CAMK2G: variants seen among roughly 807,000 people sequenced by gnomAD.
CAMK2G encodes calcium/calmodulin-dependent protein kinase type II subunit gamma.
A neutral mutation model predicts 88.7 loss-of-function variants in CAMK2G; 23 were observed. The observed-to-expected ratio is 0.26, with a 90% confidence interval of 0.19 to 0.37. CAMK2G has a LOEUF of 0.37. Ranked by LOEUF, CAMK2G falls within the 10% of genes least tolerant of loss-of-function variation. CAMK2G has a pLI of 1.00. For synonymous variants in CAMK2G, 263 were observed against 294.8 expected, an observed-to-expected ratio of 0.89 and a Z score of 1.11; for missense variants, 476 against 780.8, an observed-to-expected ratio of 0.61 and a Z score of 4.65.
chr10:73,816,996 G>A, intron 21 of CAMK2G, 27 bp downstream of exon 21: 9 of 1,614,046 alleles, frequency 5.6e-6, no homozygotes, highest in Non-Finnish European at 7.6e-6. Flanking sequence ...GCAGGCAGGA[G>A]TATATCAGCA....
rs1236056409 is a variant in CAMK2G at position 73,848,258 on chromosome 10, C to A, written c.602-176G>T. Among the ~76,000 whole-genome samples the A allele has an allele frequency of 1.3e-5, 2 of 152,206 alleles. No individual in the cohort carries two copies. The highest frequency in any genetic ancestry group is 4.8e-5 in the African/African-American group (2 of 41,450). ...CCCTCCTGCTATGCCTCACACTTCACGTCACCAAGTCACACCAGGGATTTC... is the reference window on the plus strand; with the variant it reads ...CCCTCCTGCTATGCCTCACACTTCAAGTCACCAAGTCACACCAGGGATTTC... On this transcript the variant is annotated intron_variant, in intron 8 of 22. Coordinates refer to ENST00000423381, the MANE Select transcript of CAMK2G (RefSeq NM_001367534.1). The surrounding 1 kb of genome is among the most constrained non-coding windows in gnomAD (Gnocchi z 4.5).
At position 73,848,388 on chromosome 10, in the gene CAMK2G, T is replaced by C; in HGVS notation, c.601+138A>G. On this transcript the variant is annotated intron_variant, in intron 8 of 22. Coordinates refer to ENST00000423381, the MANE Select transcript of CAMK2G (RefSeq NM_001367534.1). The surrounding 1 kb of genome is among the most constrained non-coding windows in gnomAD (Gnocchi z 4.5). ...GAGGAGGGTGTGATGGGAACAGCCA[T>C]CCCAGGGGCAAACACCATAATTTCA... 1.4e-6 allele frequency: 1 copy of C among 698,020 alleles called. No individual in the cohort carries two copies. Among genetic ancestry groups the C allele is most frequent in the South Asian group, 1.6e-5 (1 of 62,834 alleles). The allele number at this position is 698,020 out of a possible 1,614,324, so 43.2% of individuals were successfully genotyped here.
At chr10:73,819,736 C>T (rs2087141419) in intron 18 of CAMK2G, 91 bp from the exon 19 acceptor site, 5 of 785,394 alleles carry the variant, frequency 6.4e-6, no homozygotes, top group Admixed American at 2.7e-5. Context: ...AGACAGGCCC[C>T]GAGCCCATGG....
intron 18 of CAMK2G, 127 bp from the exon 19 acceptor site, chr10:73,819,772 G>A: frequency 4.9e-6 from 3 of 617,446 alleles, no homozygotes; most frequent in Non-Finnish European, 8.4e-6. Context: ...GCAAGGGGAC[G>A]CCTCGCCTCA....
chr10:73,874,035 G>A (rs1368781183), intron 1 of CAMK2G, among the ~76,000 whole-genome samples: 3 of 150,300 alleles, frequency 2.0e-5, no homozygotes, highest in South Asian at 2.1e-4. Context: ...AGTGCGAGGC[G>A]CGTGGGACCT....
chr10:73,868,042 C>T (rs1431737048), intron 2 of CAMK2G, among the ~76,000 whole-genome samples: 1 of 152,170 alleles, frequency 6.6e-6, no homozygotes, highest in African/African-American at 2.4e-5. Flanking sequence ...GTGCAAAGTG[C>T]CCATCTCCTC....
In CAMK2G at chr10:73,842,126, A is replaced by G; in HGVS notation, c.946+43T>C. ...GATGGCAACAGCCCATTCCTGATCC[A>G]CTCACCTCGGCATAATCAAAGTACA... On this transcript the variant is annotated intron_variant, in intron 12 of 22. Transcript: ENST00000423381. The surrounding 1 kb of genome is among the most constrained non-coding windows in gnomAD (Gnocchi z 4.6). The G allele has an allele frequency of 6.5e-7, 1 of 1,532,834 alleles. No individual in the cohort carries two copies. Among genetic ancestry groups the G allele is most frequent in the African/African-American group, 1.4e-5 (1 of 73,396 alleles). 95.0% of individuals were successfully genotyped at this position (1,532,834 alleles called of 1,614,324 possible).
intron 2 of CAMK2G, among the ~76,000 whole-genome samples, chr10:73,862,170 G>A (rs139329427): frequency 3.1e-4 from 47 of 152,106 alleles, no homozygotes; most frequent in Non-Finnish European, 4.7e-4. Context: ...CTCACAGCAC[G>A]GAGGCCTCAC....
At chr10:73,818,170 A>T (rs570383079) in intron 19 of CAMK2G, 4 of 165,852 alleles carry the variant, frequency 2.4e-5, no homozygotes, top group South Asian at 3.0e-4. Context: ...AACTGTAAAA[A>T]CTTGGGACAG....
chr10:73,858,349 A>C (rs1212987478), intron 3 of CAMK2G, among the ~76,000 whole-genome samples: 1 of 152,350 alleles, frequency 6.6e-6, no homozygotes, highest in East Asian at 1.9e-4. Context: ...ACAGTTCTGA[A>C]GGACAGCGCA....
At chr10:73,874,056 T>G (rs1222927341) in intron 1 of CAMK2G, among the ~76,000 whole-genome samples, 1 of 112,776 alleles carries the variant, frequency 8.9e-6, no homozygotes. Context: ...GGGTTCAGGG[T>G]GCGGAGTGAG....
rs559111806 is a variant in CAMK2G at position 73,870,088 on chromosome 10, G to A, written c.160+2901C>T. On this transcript the variant is annotated intron_variant, in intron 2 of 22. Coordinates refer to ENST00000423381, the MANE Select transcript of CAMK2G (RefSeq NM_001367534.1). Reference sequence around the variant, plus strand: ...GTATGCATATGAATAAAGATAAGAAGGGAATATGAAGATTTAAAAATAAAA... The same window carrying A: ...GTATGCATATGAATAAAGATAAGAAAGGAATATGAAGATTTAAAAATAAAA... Among the ~76,000 whole-genome samples, 3 of 152,282 alleles carry A rather than the reference G, an allele frequency of 2.0e-5. No homozygotes were observed. In the East Asian group the frequency reaches 5.8e-4, roughly 29 times the overall value.
intron 1 of CAMK2G, chr10:73,873,449 G>C: frequency 9.0e-7 from 1 of 1,106,798 alleles, no homozygotes; most frequent in Non-Finnish European, 1.1e-6. Flanking sequence ...GAAGGGAGCA[G>C]AGAGACCCTG....
chr10:73,851,274 C>G (rs2094592276), intron 5 of CAMK2G, among the ~76,000 whole-genome samples: 1 of 152,196 alleles, frequency 6.6e-6, no homozygotes, highest in Admixed American at 6.5e-5. Flanking sequence ...GGGACATCAC[C>G]CTCGAGAAAA....
At chr10:73,850,979 C>T (rs538410704) in intron 5 of CAMK2G, among the ~76,000 whole-genome samples, 2 of 152,228 alleles carry the variant, frequency 1.3e-5, no homozygotes, top group African/African-American at 2.4e-5. Flanking sequence ...CAGTCACCCC[C>T]CCTCAGGGCC....
intron 4 of CAMK2G, chr10:73,852,748 T>C (rs2094723360): frequency 4.4e-6 from 1 of 228,738 alleles, no homozygotes; most frequent in East Asian, 1.2e-4. Flanking sequence ...TGGAGAGGAG[T>C]GTCCAGGAGG....
At chr10:73,850,949 C>G (rs1263050631) in intron 5 of CAMK2G, among the ~76,000 whole-genome samples, 1 of 152,220 alleles carries the variant, frequency 6.6e-6, no homozygotes, top group Non-Finnish European at 1.5e-5. Flanking sequence ...CCCAGCAGAG[C>G]CAGGCCAAGC....
chr10:73,873,269 C>T, intron 1 of CAMK2G, 186 bp from the exon 2 acceptor site: 1 of 1,169,400 alleles, frequency 8.6e-7, no homozygotes, highest in Non-Finnish European at 1.2e-6. Flanking sequence ...CACCGCAGGA[C>T]ACTGAACAGA....
At chr10:73,822,068 C>T (rs1322986396) in intron 17 of CAMK2G, among the ~76,000 whole-genome samples, 5 of 152,206 alleles carry the variant, frequency 3.3e-5, no homozygotes, top group African/African-American at 1.2e-4. Flanking sequence ...TCTTCACTTC[C>T]AATGCACAGC....
Sources: allele counts gnomAD v4.1 joint callset (sites outside exome capture counted in the v4.1 genomes callset), GRCh38; gene constraint gnomAD v4.1.1; non-coding constraint Gnocchi (gnomAD v3.1); transcripts MANE v1.5; gene names NCBI Gene and HGNC (gene_info 2026-07-23, HGNC 2026-07-21).